B3GALNT2: variants seen among roughly 807,000 people sequenced by gnomAD.
The protein encoded by B3GALNT2 is beta-1,3-N-acetylgalactosaminyltransferase 2.
A neutral mutation model predicts 61.1 loss-of-function variants in B3GALNT2; 53 were observed. That is an observed-to-expected ratio of 0.87 (90% CI 0.70 to 1.09). B3GALNT2 has a LOEUF of 1.09. Ranked by LOEUF, B3GALNT2 falls within the 50% of genes least tolerant of loss-of-function variation. The pLI, the probability that B3GALNT2 is intolerant of heterozygous loss-of-function variation, is 0.00. For missense variants in B3GALNT2, 544 were observed against 623.0 expected (o/e 0.87, Z 1.35); for synonymous variants, 223 against 237.4 (o/e 0.94, Z 0.56).
intron 3 of B3GALNT2, among the ~76,000 whole-genome samples, chr1:235,485,284 G>A (rs1400833330): frequency 6.6e-6 from 1 of 152,186 alleles, no homozygotes; most frequent in Non-Finnish European, 1.5e-5. Context: ...CCTCACAGCT[G>A]TCTAATCAGT....
chr1:235,487,868 A>C (rs1185112703), intron 3 of B3GALNT2, among the ~76,000 whole-genome samples: 2 of 152,132 alleles, frequency 1.3e-5, no homozygotes, highest in Admixed American at 6.5e-5. Context: ...AGCTTACTGC[A>C]GCCTCGAACT....
intron 10 of B3GALNT2, 98 bp from the exon 11 acceptor site, chr1:235,453,244 CT>C (rs1572480998): frequency 8.3e-6 from 10 of 1,207,840 alleles, no homozygotes; most frequent in Non-Finnish European, 1.1e-5. Context: ...CACCTTTCTA[CT>C]TTTTTGCTCT....
intron 1 of B3GALNT2, among the ~76,000 whole-genome samples, chr1:235,500,017 G>A (rs1366813958): frequency 1.3e-5 from 2 of 152,182 alleles, no homozygotes; most frequent in African/African-American, 4.8e-5. Context: ...AGAATGCAAG[G>A]CCAGAGAGAG....
rs570801700 is a variant in B3GALNT2 at position 235,449,202 on chromosome 1, T to G, written c.*1004A>C. On this transcript the variant is annotated 3_prime_UTR_variant, in exon 12 of 12. Coordinates refer to ENST00000366600, the MANE Select transcript of B3GALNT2 (RefSeq NM_152490.5). ...AATGTCCCTTAAACTTGGGGAGACA[T>G]CCTCTACTATGTATAACAATATGCT... 1.2e-5 allele frequency: 3 copies of G among 244,914 alleles called. No individual in the cohort carries two copies. Among genetic ancestry groups the G allele is most frequent in the Admixed American group, 5.2e-5 (1 of 19,220 alleles). The allele number at this position is 244,914 out of a possible 1,614,324, so 15.2% of individuals were successfully genotyped here.
downstream of B3GALNT2, among the ~76,000 whole-genome samples, chr1:235,444,960 T>A (rs527582581): frequency 6.6e-6 from 1 of 152,358 alleles, no homozygotes; most frequent in Non-Finnish European, 1.5e-5. Flanking sequence ...AGTGCCGCCT[T>A]ACCCTTCTCT....
downstream of B3GALNT2, chr1:235,442,949 A>G: frequency 6.2e-7 from 1 of 1,605,930 alleles, no homozygotes; most frequent in Non-Finnish European, 8.5e-7. Flanking sequence ...TAAACTCTGA[A>G]TCATCGGCCT....
At chr1:235,463,715 C>T (rs6696235) in intron 7 of B3GALNT2, 19,404 of 151,596 alleles carry the variant, frequency 0.13, 1,589 homozygotes, top group African/African-American at 0.23. Context: ...TACAGGCGCC[C>T]GACACCATGC....
chr1:235,473,710 GA>G (rs990695623), intron 5 of B3GALNT2, among the ~76,000 whole-genome samples: 5 of 152,172 alleles, frequency 3.3e-5, no homozygotes, highest in Non-Finnish European at 5.9e-5. Context: ...AAATAAAACA[GA>G]AGGCTAGGTA....
chr1:235,499,212 C>T (rs957567072), intron 1 of B3GALNT2, among the ~76,000 whole-genome samples: 12 of 152,048 alleles, frequency 7.9e-5, no homozygotes, highest in African/African-American at 2.7e-4. Context: ...GATAAACAGG[C>T]GATAGGAACT....
chr1:235,484,277 T>C (rs751052119), intron 4 of B3GALNT2, 45 bp downstream of exon 4: 1 of 1,526,264 alleles, frequency 6.6e-7, no homozygotes, highest in Non-Finnish European at 8.8e-7. Flanking sequence ...GTTGATGTTT[T>C]TGAAAAAGAA....
At chr1:235,503,459 G>C (rs1179230413) in intron 1 of B3GALNT2, among the ~76,000 whole-genome samples, 1 of 152,226 alleles carries the variant, frequency 6.6e-6, no homozygotes, top group Admixed American at 6.5e-5. Context: ...TTAAGTTTTA[G>C]AGCAAATGGA....
intron 7 of B3GALNT2, among the ~76,000 whole-genome samples, chr1:235,461,514 T>TTG (rs1553344800): frequency 7.6e-6 from 1 of 131,310 alleles, no homozygotes; most frequent in African/African-American, 2.9e-5. Flanking sequence ...CCTGTTTTTT[T>TTG]TTTTTTTTTT....
At chr1:235,487,534 G>A (rs1018507565) in intron 3 of B3GALNT2, among the ~76,000 whole-genome samples, 19 of 152,258 alleles carry the variant, frequency 1.2e-4, no homozygotes, top group Admixed American at 8.5e-4. Context: ...GCTAGAAAAT[G>A]GCAAAGCTTG....
chr1:235,495,983 T>C (rs186369719), intron 1 of B3GALNT2, among the ~76,000 whole-genome samples: 2 of 152,306 alleles, frequency 1.3e-5, no homozygotes, highest in Admixed American at 6.5e-5. Flanking sequence ...TTTGTGTAGA[T>C]ACCTTATTTT....
chr1:235,476,849 CAA>C (rs1337555952), intron 5 of B3GALNT2, among the ~76,000 whole-genome samples: 17 of 120,884 alleles, frequency 1.4e-4, no homozygotes, highest in Non-Finnish European at 1.4e-4. Flanking sequence ...AATGCTGTCT[CAA>C]AAAAAAAAAA....
At chr1:235,450,370 G>A in intron 11 of B3GALNT2, 30 bp from the exon 12 acceptor site, 3 of 1,611,130 alleles carry the variant, frequency 1.9e-6, no homozygotes, top group Non-Finnish European at 2.5e-6. Flanking sequence ...GCCGATCTGA[G>A]AGTGGTGAAA....
Position 235,486,980 on chromosome 1 carries a change from C to T in B3GALNT2, c.361+2188G>A, listed in dbSNP as rs370070601. Among the ~76,000 whole-genome samples, 10 of 151,978 alleles carry T rather than the reference C, an allele frequency of 6.6e-5. No homozygotes were observed. The South Asian group carries it at 1.5e-3, about 22-fold the overall frequency. Reference sequence around the variant, plus strand: ...GGTCAGGAGTTTGAGACTAGCCTGGCCAATGTGGTGAAACCCCATCTCTAC... The same window carrying T: ...GGTCAGGAGTTTGAGACTAGCCTGGTCAATGTGGTGAAACCCCATCTCTAC... On this transcript the variant is annotated intron_variant, in intron 3 of 11. Coordinates refer to ENST00000366600, the MANE Select transcript of B3GALNT2 (RefSeq NM_152490.5).
Position 235,504,414 on chromosome 1 carries a change from C to G in B3GALNT2, c.-162G>C, listed in dbSNP as rs1188298518. The G allele has an allele frequency of 1.1e-5, 8 of 736,470 alleles. No homozygotes were observed. The South Asian group carries it at 1.7e-4, about 16-fold the overall frequency. The allele number at this position is 736,470 out of a possible 1,614,324, so 45.6% of individuals were successfully genotyped here. On this transcript the variant is annotated 5_prime_UTR_variant, in exon 1 of 12. Coordinates refer to ENST00000366600, the MANE Select transcript of B3GALNT2 (RefSeq NM_152490.5). ...GGGGGCTCCTCGCAGCTCCCGGCCC[C>G]GCTCCTCCGGTCCCTCAGACCGCGG...
intron 5 of B3GALNT2, among the ~76,000 whole-genome samples, chr1:235,475,118 C>T (rs1470028720): frequency 7.4e-5 from 11 of 148,996 alleles, no homozygotes; most frequent in African/African-American, 2.7e-4. Flanking sequence ...CCTGCCTCAG[C>T]CTTCTGGTAG....
Sources: allele counts gnomAD v4.1 joint callset (sites outside exome capture counted in the v4.1 genomes callset), GRCh38; gene constraint gnomAD v4.1.1; transcripts MANE v1.5; gene names NCBI Gene and HGNC (gene_info 2026-07-23, HGNC 2026-07-21).